KCTD16: variants seen among roughly 807,000 people sequenced by gnomAD.
KCTD16 encodes the protein BTB/POZ domain-containing protein KCTD16.
In KCTD16, 13 loss-of-function variants were observed where a neutral mutation model predicts 33.2. That is an observed-to-expected ratio of 0.39 (90% CI 0.25 to 0.62). KCTD16 has a LOEUF of 0.62. KCTD16 is among the 20% of genes least tolerant of loss of function. The pLI is 0.50. For synonymous variants in KCTD16, 197 were observed against 195.3 expected (o/e 1.01, Z -0.07); for missense variants, 441 against 525.1 (o/e 0.84, Z 1.57).
intron 3 of KCTD16, among the ~76,000 whole-genome samples, chr5:144,236,687 A>G (rs1754263676): frequency 6.6e-6 from 1 of 152,060 alleles, no homozygotes; most frequent in Non-Finnish European, 1.5e-5. Flanking sequence ...ACAGCACATG[A>G]CCTTATTTGG....
chr5:144,343,929 G>A (rs537512444), intron 3 of KCTD16, among the ~76,000 whole-genome samples: 1 of 152,164 alleles, frequency 6.6e-6, no homozygotes. Context: ...GAACAAAGCT[G>A]GAGGCATCAC....
chr5:144,238,173 T>C (rs893490928), intron 3 of KCTD16, among the ~76,000 whole-genome samples: 2 of 152,138 alleles, frequency 1.3e-5, no homozygotes, highest in African/African-American at 4.8e-5. Context: ...GAGAAGGAGA[T>C]ATTTTTGCAG....
intron 3 of KCTD16, among the ~76,000 whole-genome samples, chr5:144,320,300 T>C (rs1320685662): frequency 2.0e-5 from 3 of 152,200 alleles, no homozygotes; most frequent in Non-Finnish European, 2.9e-5. Flanking sequence ...GAAGAATGTA[T>C]TATAGAGTTT....
At chr5:144,406,826 G>A (rs1385251021) in intron 3 of KCTD16, among the ~76,000 whole-genome samples, 1 of 152,136 alleles carries the variant, frequency 6.6e-6, no homozygotes, top group East Asian at 1.9e-4. Flanking sequence ...AGCTTCTGCT[G>A]GGGTATTTTC....
rs1367127387 is a variant in KCTD16, at chr5:144,291,004, C to A, written c.832+83458C>A. On this transcript the variant is annotated intron_variant, in intron 3 of 3. Transcript: ENST00000512467. ...TAACAGTGCAAGACGTTAAAATAAT[C>A]CAGAAAAAGAGAAAGAGAATGGTGA... Among the ~76,000 whole-genome samples, 5 of 151,986 alleles carry A rather than the reference C, an allele frequency of 3.3e-5. No homozygotes were observed. The East Asian group carries it at 5.8e-4, about 18-fold the overall frequency.
intron 3 of KCTD16, among the ~76,000 whole-genome samples, chr5:144,311,752 C>T (rs2052516): frequency 0.33 from 50,669 of 151,844 alleles, 9,115 homozygotes; most frequent in African/African-American, 0.47. Context: ...AGGCAAAATA[C>T]CTACCAAAAG....
chr5:144,209,906 ATG>A (rs1168743921), intron 3 of KCTD16, among the ~76,000 whole-genome samples: 2 of 140,298 alleles, frequency 1.4e-5, no homozygotes, highest in Non-Finnish European at 3.0e-5. Context: ...GTGTATATAT[ATG>A]TATATATATA....
chr5:144,341,385 A>G (rs1424943977), intron 3 of KCTD16, among the ~76,000 whole-genome samples: 1 of 152,106 alleles, frequency 6.6e-6, no homozygotes, highest in African/African-American at 2.4e-5. Flanking sequence ...GGGATTTCTC[A>G]TGGGGATTAG....
chr5:144,171,935 T>C (rs1295354014), intron 1 of KCTD16, among the ~76,000 whole-genome samples: 1 of 152,238 alleles, frequency 6.6e-6, no homozygotes, highest in Non-Finnish European at 1.5e-5. Context: ...CGAAATAAGA[T>C]GCTATTAACT....
intron 3 of KCTD16, among the ~76,000 whole-genome samples, chr5:144,414,069 C>G (rs1752992692): frequency 6.6e-6 from 1 of 152,236 alleles, no homozygotes; most frequent in Admixed American, 6.5e-5. Flanking sequence ...CATTTCACAC[C>G]TGTAAGACTT....
At chr5:144,330,908 A>T (rs1752343131) in intron 3 of KCTD16, among the ~76,000 whole-genome samples, 1 of 152,206 alleles carries the variant, frequency 6.6e-6, no homozygotes, top group African/African-American at 2.4e-5. Context: ...AAAGAAACAG[A>T]TGACTTAGTA....
At chr5:144,283,905 G>T (rs1251840361) in intron 3 of KCTD16, among the ~76,000 whole-genome samples, 1 of 152,252 alleles carries the variant, frequency 6.6e-6, no homozygotes, top group Middle Eastern at 3.4e-3. Flanking sequence ...AATATATTTG[G>T]TGTAAGCTAA....
At chr5:144,363,478 A>G (rs1253754288) in intron 3 of KCTD16, among the ~76,000 whole-genome samples, 3 of 151,954 alleles carry the variant, frequency 2.0e-5, no homozygotes, top group African/African-American at 7.3e-5. Flanking sequence ...TGGTGGCCCC[A>G]TTTTAGTGAC....
At chr5:144,301,822 A>G (rs1246540781) in intron 3 of KCTD16, among the ~76,000 whole-genome samples, 1 of 152,162 alleles carries the variant, frequency 6.6e-6, no homozygotes, top group Non-Finnish European at 1.5e-5. Flanking sequence ...GTAGCTTTTG[A>G]TGTTTTAGAT....
chr5:144,341,372 C>A (rs995497942), intron 3 of KCTD16, among the ~76,000 whole-genome samples: 5 of 152,018 alleles, frequency 3.3e-5, no homozygotes, highest in African/African-American at 1.2e-4. Flanking sequence ...CATATATATG[C>A]GGGGGATTTC....
In KCTD16 at chr5:144,206,449, G is replaced by C. The variant is rs907008288; in HGVS notation, c.-266G>C. On this transcript the variant is annotated 5_prime_UTR_variant, in exon 3 of 4. Coordinates refer to ENST00000512467, the MANE Select transcript of KCTD16 (RefSeq NM_020768.4). Reference sequence around the variant, plus strand: ...TGCATGTGAGCTTGATGGAAGATTGGATATAGACGAGTTGATTATATTTTA... The same window carrying C: ...TGCATGTGAGCTTGATGGAAGATTGCATATAGACGAGTTGATTATATTTTA... 2 of 383,894 alleles carry C rather than the reference G, an allele frequency of 5.2e-6. No individual in the cohort carries two copies. Among genetic ancestry groups the C allele is most frequent in the East Asian group, 7.9e-5 (2 of 25,218 alleles). 23.8% of individuals were successfully genotyped at this position (383,894 alleles called of 1,614,324 possible).
chr5:144,262,808 G>A (rs967416018), intron 3 of KCTD16, among the ~76,000 whole-genome samples: 1 of 152,158 alleles, frequency 6.6e-6, no homozygotes, highest in African/African-American at 2.4e-5. Flanking sequence ...AGACCTCTGT[G>A]TGACTCTTAT....
intron 3 of KCTD16, among the ~76,000 whole-genome samples, chr5:144,322,466 C>T (rs1309040036): frequency 1.3e-5 from 2 of 151,402 alleles, no homozygotes; most frequent in Non-Finnish European, 2.9e-5. Flanking sequence ...TGACTGACAC[C>T]CAGCTTACCA....
intron 2 of KCTD16, among the ~76,000 whole-genome samples, chr5:144,203,192 T>G (rs1356607780): frequency 1.3e-5 from 2 of 152,104 alleles, no homozygotes; most frequent in African/African-American, 4.8e-5. Flanking sequence ...CAGAATATTC[T>G]TCTTTTATAT....
Sources: gnomAD v4.1 joint callset for allele counts (sites outside exome capture counted in the v4.1 genomes callset) on GRCh38, gnomAD v4.1.1 for gene constraint, MANE v1.5 for transcripts, NCBI Gene and HGNC (gene_info 2026-07-23, HGNC 2026-07-21) for gene names.